Variants in XPNPEP1 observed in about 807,000 individuals in gnomAD.
The protein encoded by XPNPEP1 is X-prolyl aminopeptidase 1.
A neutral mutation model predicts 92.4 loss-of-function variants in XPNPEP1; 39 were observed. The observed-to-expected ratio is 0.42, with a 90% CI of 0.33 to 0.55. The LOEUF (loss-of-function observed/expected upper bound fraction) is 0.55, where lower values mean the gene tolerates loss of function less well. XPNPEP1 is among the 20% of genes least tolerant of loss of function. The pLI is 0.08. For synonymous variants in XPNPEP1, 307 were observed against 299.4 expected (o/e 1.03, Z -0.26); for missense variants, 654 against 856.1 (o/e 0.76, Z 2.95).
Position 109,886,322 on chromosome 10 carries a change from C to T in XPNPEP1, c.672G>A (p.Lys224=). The T allele has an allele frequency of 6.2e-7, 1 of 1,614,190 alleles. No individual in the cohort carries two copies. Among genetic ancestry groups the T allele is most frequent in the Non-Finnish European group, 8.5e-7 (1 of 1,180,022 alleles). ...LDYTGISWKD[K]VADLRLKMAE... is the part of the protein sequence containing the mutation. ...CCATTTTCAACCGAAGGTCTGCAACCTTGTCCTTCCAGGAGATGCCTGCAA... is the reference window on the plus strand; with the variant it reads ...CCATTTTCAACCGAAGGTCTGCAACTTTGTCCTTCCAGGAGATGCCTGCAA... The change falls in exon 8 of 21, where the codon AAG becomes AAA. Residue 224 remains lysine (K), a synonymous_variant. Coordinates refer to ENST00000502935, the MANE Select transcript of XPNPEP1 (RefSeq NM_020383.4).
intron 2 of XPNPEP1, among the ~76,000 whole-genome samples, chr10:109,911,738 A>T (rs1017228925): frequency 5.3e-5 from 8 of 152,250 alleles, no homozygotes; most frequent in African/African-American, 1.9e-4. Context: ...CATCTGACTT[A>T]ACTGGTCTGG....
At position 109,866,907 on chromosome 10, in the gene XPNPEP1, T is replaced by C. The variant is rs139727482; in HGVS notation, c.1873-1595A>G. On this transcript the variant is annotated intron_variant, in intron 20 of 20. Coordinates refer to ENST00000502935, the MANE Select transcript of XPNPEP1 (RefSeq NM_020383.4). ...CTGGGTAACACAGATCCCTGGTCTATGTCCAATGTCACGGGAGTAGACTGA... is the reference window on the plus strand; with the variant it reads ...CTGGGTAACACAGATCCCTGGTCTACGTCCAATGTCACGGGAGTAGACTGA... Among the ~76,000 whole-genome samples the C allele has an allele frequency of 1.1e-3, 167 of 152,364 alleles. 1 individual carries two copies. The highest frequency in any genetic ancestry group is 6.7e-3 in the East Asian group (35 of 5,192).
At chr10:109,897,051 A>G (rs1849028324) in intron 3 of XPNPEP1, among the ~76,000 whole-genome samples, 1 of 152,238 alleles carries the variant, frequency 6.6e-6, no homozygotes, top group Non-Finnish European at 1.5e-5. Flanking sequence ...TTTCAAATTC[A>G]AATACCTCAG....
chr10:109,879,038 C>T (rs978995651), intron 12 of XPNPEP1, among the ~76,000 whole-genome samples: 1 of 151,090 alleles, frequency 6.6e-6, no homozygotes, highest in Non-Finnish European at 1.5e-5. Flanking sequence ...GTCAGGAGAT[C>T]GAGACCATCC....
chr10:109,870,486 C>G (rs1036591988), intron 18 of XPNPEP1, among the ~76,000 whole-genome samples: 1 of 152,036 alleles, frequency 6.6e-6, no homozygotes, highest in Non-Finnish European at 1.5e-5. Context: ...AAAGCTAATA[C>G]AGTAAAACAC....
In XPNPEP1 at chr10:109,867,163, A is replaced by G. The variant is rs1847188201; in HGVS notation, c.1872+1451T>C. On this transcript the variant is annotated intron_variant, in intron 20 of 20. Transcript: ENST00000502935. This position sits in a 1 kb window ranked among gnomAD's most constrained non-coding sequence, Gnocchi z 4.5. ...GCTAAGTCCCTGGAAGCTGTGCCCA[A>G]GGGCCATTACAAGAGACACTGGTTC... Among the ~76,000 whole-genome samples, 1 of 152,250 alleles carries G rather than the reference A, an allele frequency of 6.6e-6. No individual in the cohort carries two copies. The highest frequency in any genetic ancestry group is 6.5e-5 in the Admixed American group (1 of 15,288).
At chr10:109,903,320 A>G (rs1849385306) in intron 3 of XPNPEP1, among the ~76,000 whole-genome samples, 1 of 152,192 alleles carries the variant, frequency 6.6e-6, no homozygotes, top group African/African-American at 2.4e-5. Context: ...TAGTAGAGCT[A>G]TTAGGAGTCT....
intron 16 of XPNPEP1, 102 bp from the exon 17 acceptor site, chr10:109,871,963 A>G: frequency 8.5e-7 from 1 of 1,175,924 alleles, no homozygotes; most frequent in Non-Finnish European, 1.2e-6. Flanking sequence ...GTTTTTAGCA[A>G]TATCATAGAG....
intron 10 of XPNPEP1, among the ~76,000 whole-genome samples, chr10:109,881,282 T>C (rs1222806185): frequency 6.6e-6 from 1 of 152,172 alleles, no homozygotes; most frequent in Non-Finnish European, 1.5e-5. Context: ...TTGACCGAAA[T>C]CACCCTTCTC....
chr10:109,890,272 C>G (rs981752263), intron 5 of XPNPEP1, among the ~76,000 whole-genome samples: 2 of 152,136 alleles, frequency 1.3e-5, no homozygotes, highest in African/African-American at 4.8e-5. Flanking sequence ...CCGTGGGCCC[C>G]AAAGAGAGAT....
chr10:109,865,244 G>A lies in XPNPEP1; in HGVS notation c.1941C>T (p.Gly647=), dbSNP rs1475619818. The A allele has an allele frequency of 1.9e-6, 3 of 1,614,058 alleles. No individual in the cohort carries two copies. In the Admixed American group the frequency reaches 5.0e-5, roughly 27 times the overall value. ...TGAGCCACTCGAGAGCTTCCTGGCG[G>A]CCCTGTTTCTGCAATTCCTTCCCAA... The part of the protein sequence containing the change: ...DVIGKELQKQ[G]RQEALEWLIR... Residue 647 remains glycine (G), a synonymous_variant, in exon 21 of 21, where the codon GGC becomes GGT. Coordinates refer to ENST00000502935, the MANE Select transcript of XPNPEP1 (RefSeq NM_020383.4).
chr10:109,898,544 G>A lies in XPNPEP1; in HGVS notation c.247-5469C>T, dbSNP rs1043751039. 5.9e-5 allele frequency among the ~76,000 whole-genome samples: 9 copies of A among 152,200 alleles called. No individual in the cohort carries two copies. In the East Asian group the frequency reaches 7.7e-4, roughly 13 times the overall value. On this transcript the variant is annotated intron_variant, in intron 3 of 20. Transcript: ENST00000502935. Reference sequence around the variant, plus strand: ...TTTGACTGGGCCACCAAGGATAGGCGAAGAGAGCAGGAAAACAGTCCAGAG... The same window carrying A: ...TTTGACTGGGCCACCAAGGATAGGCAAAGAGAGCAGGAAAACAGTCCAGAG...
At chr10:109,920,355 T>A (rs1266269704) in intron 1 of XPNPEP1, among the ~76,000 whole-genome samples, 3 of 152,254 alleles carry the variant, frequency 2.0e-5, no homozygotes, top group Non-Finnish European at 4.4e-5. Context: ...TTTTAACAGA[T>A]GAATTGTATA....
intron 1 of XPNPEP1, among the ~76,000 whole-genome samples, chr10:109,918,840 GAAGGAAGGAAGGAAGGAGGGA>G (rs1850342946): frequency 3.0e-5 from 1 of 33,782 alleles, no homozygotes; most frequent in Non-Finnish European, 1.1e-4. Context: ...AAGGAGGAAG[GAAGGAAGGAAGGAAGGAGGGA>G]AGGAAGGAAG....
chr10:109,892,121 A>G (rs754390236), intron 4 of XPNPEP1, among the ~76,000 whole-genome samples: 8 of 152,218 alleles, frequency 5.3e-5, no homozygotes, highest in Non-Finnish European at 7.3e-5. Context: ...GGAGAACTGT[A>G]GACCTATGGC....
At chr10:109,920,929 A>G (rs2030028879) in intron 1 of XPNPEP1, among the ~76,000 whole-genome samples, 1 of 152,168 alleles carries the variant, frequency 6.6e-6, no homozygotes, top group Non-Finnish European at 1.5e-5. Context: ...ATAACTCAGT[A>G]GCCGCAAAGC....
At chr10:109,903,617 G>T (rs528234534) in intron 3 of XPNPEP1, among the ~76,000 whole-genome samples, 1 of 152,114 alleles carries the variant, frequency 6.6e-6, no homozygotes, top group East Asian at 1.9e-4. Flanking sequence ...CTGAGGCCTA[G>T]GACTGACAGG....
At chr10:109,900,853 C>A (rs111668505) in intron 3 of XPNPEP1, among the ~76,000 whole-genome samples, 1 of 152,194 alleles carries the variant, frequency 6.6e-6, no homozygotes, top group Non-Finnish European at 1.5e-5. Flanking sequence ...CTTCTTCAAG[C>A]TTATTGTCAT....
rs573761570 is a variant in XPNPEP1, at chr10:109,905,555, G to C, written c.246+2136C>G. ...AGTAGAATGGTGGTTGCCAGGGATA[G>C]GAGGGGAGGAGAGAGACTGGGAGGA... On this transcript the variant is annotated intron_variant, in intron 3 of 20. Coordinates refer to ENST00000502935, the MANE Select transcript of XPNPEP1 (RefSeq NM_020383.4). 2.8e-4 allele frequency among the ~76,000 whole-genome samples: 42 copies of C among 152,220 alleles called. 1 individual carries two copies. Among genetic ancestry groups the C allele is most frequent in the Admixed American group, 2.5e-3 (38 of 15,286 alleles).
Sources: allele counts gnomAD v4.1 joint callset (sites outside exome capture counted in the v4.1 genomes callset), GRCh38; gene constraint gnomAD v4.1.1; non-coding constraint Gnocchi (gnomAD v3.1); transcripts MANE v1.5; gene names NCBI Gene and HGNC (gene_info 2026-07-23, HGNC 2026-07-21).